Variants in PCSK6 observed in about 807,000 individuals in gnomAD.
PCSK6 encodes the protein paired basic amino acid cleaving enzyme 4.
In PCSK6, 85 loss-of-function variants were observed where a neutral mutation model predicts 123.3. The ratio of observed to expected loss-of-function variants is 0.69; its 90% CI spans 0.58 to 0.83. The LOEUF (loss-of-function observed/expected upper bound fraction) is 0.83. Ranked by LOEUF, PCSK6 falls within the 40% of genes least tolerant of loss-of-function variation. The pLI is 0.00. For synonymous variants in PCSK6, 508 were observed against 516.0 expected (o/e 0.98, Z 0.21); for missense variants, 1,191 against 1,282.3 (o/e 0.93, Z 1.09).
intron 1 of PCSK6, among the ~76,000 whole-genome samples, chr15:101,462,098 T>C (rs1415034711): frequency 2.0e-5 from 3 of 152,140 alleles, no homozygotes; most frequent in Non-Finnish European, 4.4e-5. Flanking sequence ...ATGGTTTACA[T>C]AAAAAATAGA....
chr15:101,431,016 C>G (rs141529837), intron 4 of PCSK6, among the ~76,000 whole-genome samples: 8 of 152,292 alleles, frequency 5.3e-5, no homozygotes, highest in Non-Finnish European at 1.2e-4. Flanking sequence ...TGTCACTGTT[C>G]GTGTTGCTAC....
chr15:101,389,002 G>T (rs2042150726), intron 9 of PCSK6, among the ~76,000 whole-genome samples: 1 of 152,164 alleles, frequency 6.6e-6, no homozygotes, highest in Non-Finnish European at 1.5e-5. Context: ...TTGGAGATAA[G>T]GCCTTTAAAA....
At chr15:101,307,172 TC>T in intron 21 of PCSK6, 40 bp downstream of exon 21, 1 of 1,460,804 alleles carries the variant, frequency 6.8e-7, no homozygotes, top group Non-Finnish European at 9.6e-7. Flanking sequence ...CCAGCTGAGC[TC>T]CTCCACAGGC....
At chr15:101,390,302 G>A (rs1397447499) in intron 8 of PCSK6, among the ~76,000 whole-genome samples, 1 of 152,276 alleles carries the variant, frequency 6.6e-6, no homozygotes, top group Non-Finnish European at 1.5e-5. Flanking sequence ...AACGGGAAGT[G>A]GGTGCTGGGG....
intron 13 of PCSK6, among the ~76,000 whole-genome samples, chr15:101,333,716 G>A (rs980448602): frequency 2.2e-4 from 27 of 121,494 alleles, no homozygotes; most frequent in African/African-American, 8.1e-4. Context: ...ATCTCTTAGC[G>A]TTTCTAAATT....
intron 19 of PCSK6, among the ~76,000 whole-genome samples, chr15:101,314,906 C>A (rs998291221): frequency 6.6e-6 from 1 of 152,200 alleles, no homozygotes; most frequent in African/African-American, 2.4e-5. Context: ...TTGGCCAATG[C>A]CGCCCCTCCC....
intron 19 of PCSK6, among the ~76,000 whole-genome samples, chr15:101,314,716 G>C (rs913655998): frequency 6.6e-6 from 1 of 152,142 alleles, no homozygotes; most frequent in African/African-American, 2.4e-5. Context: ...GAGTGAAGCC[G>C]AGAAGGCCAC....
intron 13 of PCSK6, among the ~76,000 whole-genome samples, chr15:101,360,493 CGGGGGCCTT>C (rs1387806574): frequency 0.059 from 8,390 of 141,344 alleles, 359 homozygotes; most frequent in Middle Eastern, 0.095. Flanking sequence ...CACTCCTGCC[CGGGGGCCTT>C]AGCATCCCCT....
intron 13 of PCSK6, among the ~76,000 whole-genome samples, chr15:101,359,455 G>C (rs2041146022): frequency 6.6e-6 from 1 of 152,226 alleles, no homozygotes; most frequent in African/African-American, 2.4e-5. Context: ...CAGAGCATCT[G>C]GTCATGTGGT....
rs748715828 is a variant in PCSK6, at chr15:101,443,657, C to A, written c.301G>T (p.Gly101Ter). 1 of 1,610,172 alleles carries A rather than the reference C, an allele frequency of 6.2e-7. No homozygotes were observed. Among genetic ancestry groups the A allele is most frequent in the East Asian group, 2.2e-5 (1 of 44,862 alleles). ...AAATGGTAGTAATCTTCCAGGTTTC[C>A]AATCTGCAAGACAAGAAGCAGAATG... is the stretch of plus-strand genomic sequence containing the variant. Reference protein sequence around the residue: ...AHGYLNLGQIGNLEDYYHFYH... With the variant: ...AHGYLNLGQI The change falls in exon 2 of 22, where the codon GGA (glycine) becomes TGA (stop). Residue 101 changes from glycine to a stop codon, truncating the protein, a stop_gained. Transcript: ENST00000611716. LOFTEE classifies it high-confidence loss of function.
chr15:101,384,986 T>C (rs1268597384), intron 9 of PCSK6, among the ~76,000 whole-genome samples: 1 of 152,156 alleles, frequency 6.6e-6, no homozygotes, highest in African/African-American at 2.4e-5. Flanking sequence ...ACACAGATGA[T>C]TTTTTAAAAT....
intron 2 of PCSK6, among the ~76,000 whole-genome samples, chr15:101,435,238 C>A (rs1393184547): frequency 6.6e-6 from 1 of 152,004 alleles, no homozygotes; most frequent in African/African-American, 2.4e-5. Flanking sequence ...ATGGAAGCAA[C>A]CCTCACAGGT....
Position 101,398,298 on chromosome 15 carries a change from C to G in PCSK6, c.996+106G>C, listed in dbSNP as rs1018239308. The G allele has an allele frequency of 8.1e-6, 11 of 1,361,818 alleles. No individual in the cohort carries two copies. The highest frequency in any genetic ancestry group is 8.0e-6 in the Non-Finnish European group (8 of 997,872). The allele number at this position is 1,361,818 out of a possible 1,614,324, so 84.4% of individuals were successfully genotyped here. On this transcript the variant is annotated intron_variant, in intron 7 of 21. Coordinates refer to ENST00000611716, the MANE Select transcript of PCSK6 (RefSeq NM_002570.5). This position sits in a 1 kb window ranked among gnomAD's most constrained non-coding sequence, Gnocchi z 4.6. Reference sequence around the variant, plus strand: ...CTGGCACCTGTCACAGCAGAGTCTTCCCTGTCTTGTTTCAGGGCTGTGGCC... The same window carrying G: ...CTGGCACCTGTCACAGCAGAGTCTTGCCTGTCTTGTTTCAGGGCTGTGGCC...
intron 6 of PCSK6, among the ~76,000 whole-genome samples, chr15:101,416,690 T>G (rs1355699261): frequency 4.6e-5 from 7 of 152,250 alleles, no homozygotes. Context: ...AAGGACTTGG[T>G]GCACTGTGTC....
chr15:101,338,908 C>A (rs986338341), intron 13 of PCSK6, among the ~76,000 whole-genome samples: 3 of 152,210 alleles, frequency 2.0e-5, no homozygotes, highest in African/African-American at 7.2e-5. Context: ...ACTGAGGCTG[C>A]CAGTAAATGG....
In PCSK6 at chr15:101,347,600, T is replaced by C. The variant is rs1046514591; in HGVS notation, c.1859-15569A>G. 20 of 1,496,288 alleles carry C rather than the reference T, an allele frequency of 1.3e-5. 1 individual carries two copies. The Middle Eastern group carries it at 8.7e-4, about 65-fold the overall frequency. The allele number at this position is 1,496,288 out of a possible 1,614,324, so 92.7% of individuals were successfully genotyped here. On this transcript the variant is annotated intron_variant, in intron 13 of 21. Coordinates refer to ENST00000611716, the MANE Select transcript of PCSK6 (RefSeq NM_002570.5). ...TCAATCAACAACTGTTTGTGAGCCATGTCCAAAGTGCTGAGCCTCTGGGGG... is the reference window on the plus strand; with the variant it reads ...TCAATCAACAACTGTTTGTGAGCCACGTCCAAAGTGCTGAGCCTCTGGGGG...
At chr15:101,311,505 G>C (rs1429149896) in intron 20 of PCSK6, among the ~76,000 whole-genome samples, 4 of 151,958 alleles carry the variant, frequency 2.6e-5, no homozygotes, top group Non-Finnish European at 5.9e-5. Flanking sequence ...GAAGACGCTG[G>C]GCAGATGCTG....
chr15:101,393,223 C>T lies in PCSK6; in HGVS notation c.1198G>A (p.Glu400Lys). 1 of 1,613,044 alleles carries T rather than the reference C, an allele frequency of 6.2e-7. No individual in the cohort carries two copies. Among genetic ancestry groups the T allele is most frequent in the South Asian group, 1.1e-5 (1 of 90,838 alleles). ...CCAAGAGAACTTACGATTTTTCGCT[C>T]ATAAAAGGCCCCACTGCTGTAGGTG... Reference protein sequence around the residue: ...ATTYSSGAFYERKIVTTDLRQ... With the variant: ...ATTYSSGAFYKRKIVTTDLRQ... The change falls in exon 8 of 22, where the codon GAG becomes AAG. Residue 400 changes from glutamate (E) to lysine (K), a missense_variant. Glu to Lys is a moderately conservative substitution (Grantham distance 56). Transcript: ENST00000611716.
chr15:101,486,865 T>C (rs1173822815), intron 1 of PCSK6, among the ~76,000 whole-genome samples: 1 of 151,398 alleles, frequency 6.6e-6, no homozygotes, highest in Non-Finnish European at 1.5e-5. Context: ...GGAGAAAGAG[T>C]TTCACAAAGG....
Sources: gnomAD v4.1 joint callset for allele counts (sites outside exome capture counted in the v4.1 genomes callset) on GRCh38, gnomAD v4.1.1 for gene constraint, Gnocchi (gnomAD v3.1) non-coding constraint, MANE v1.5 for transcripts, NCBI Gene and HGNC (gene_info 2026-07-23, HGNC 2026-07-21) for gene names.